The following MCPH1 variants were observed in gnomAD, a reference collection of about 807,000 sequenced individuals.
MCPH1 encodes microcephalin 1, also known as microcephalin.
In MCPH1, 104 loss-of-function variants were observed where a neutral mutation model predicts 84.5. That is an observed-to-expected ratio of 1.23 (90% CI 1.05 to 1.45). The LOEUF (loss-of-function observed/expected upper bound fraction) is 1.45, where lower values mean the gene tolerates loss of function less well. Among genes scored for constraint, MCPH1 ranks in the 40% most tolerant of loss-of-function variants. The pLI, the probability that MCPH1 is intolerant of heterozygous loss-of-function variation, is 0.00. For missense variants in MCPH1, 1,498 were observed against 1,005.7 expected (o/e 1.49, Z -6.62); for synonymous variants, 514 against 366.8 (o/e 1.40, Z -4.58).
intron 12 of MCPH1, among the ~76,000 whole-genome samples, chr8:6,583,419 G>A (rs1174518117): frequency 6.6e-6 from 1 of 152,206 alleles, no homozygotes; most frequent in Non-Finnish European, 1.5e-5. Context: ...GCAAGGCACT[G>A]GCTGTGTAAT....
At chr8:6,610,640 A>G (rs1210915313) in intron 12 of MCPH1, among the ~76,000 whole-genome samples, 1 of 152,204 alleles carries the variant, frequency 6.6e-6, no homozygotes, top group African/African-American at 2.4e-5. Context: ...ATGAAAAACT[A>G]TAATCATTCT....
At chr8:6,487,652 G>A (rs1810091112) in intron 11 of MCPH1, among the ~76,000 whole-genome samples, 1 of 152,222 alleles carries the variant, frequency 6.6e-6, no homozygotes, top group South Asian at 2.1e-4. Context: ...TTCTGAGGGT[G>A]CCCTTCAGGT....
intron 12 of MCPH1, among the ~76,000 whole-genome samples, chr8:6,585,859 A>C (rs2959779): frequency 1.3e-5 from 2 of 152,154 alleles, no homozygotes; most frequent in African/African-American, 2.4e-5. Flanking sequence ...AAGCTGGCCA[A>C]CAGTCACAGT....
intron 12 of MCPH1, chr8:6,502,007 G>A (rs1029312332): frequency 8.6e-5 from 13 of 151,302 alleles, no homozygotes; most frequent in African/African-American, 3.2e-4. Flanking sequence ...GTAAATTTAA[G>A]GGTGAATCTT....
chr8:6,468,541 T>A (rs577326286), intron 9 of MCPH1, among the ~76,000 whole-genome samples: 32 of 152,078 alleles, frequency 2.1e-4, no homozygotes, highest in Non-Finnish European at 4.1e-4. Context: ...TAGTGTTAGA[T>A]ACCGAGTTTG....
In MCPH1 at chr8:6,436,087, C is replaced by G. The variant is rs1291324635; in HGVS notation, c.361C>G (p.Pro121Ala). 1.2e-6 allele frequency: 2 copies of G among 1,613,470 alleles called. No individual in the cohort carries two copies. Among genetic ancestry groups the G allele is most frequent in the South Asian group, 1.1e-5 (1 of 91,024 alleles). ...GCCCAAAGATTTTAATTTTAAAACACCAGAAAATGATAAGAGATTTCAGAA... is the reference window on the plus strand; with the variant it reads ...GCCCAAAGATTTTAATTTTAAAACAGCAGAAAATGATAAGAGATTTCAGAA... ...MQPKDFNFKTPENDKRFQKKF... is the reference protein window; with the variant it reads ...MQPKDFNFKTAENDKRFQKKF... The change falls in exon 5 of 14, where the codon CCA becomes GCA. Residue 121 changes from proline (P) to alanine (A), a missense_variant. Physicochemically the swap from Pro to Ala is conservative, Grantham distance 27 (BLOSUM62 -1). Coordinates refer to ENST00000344683, the MANE Select transcript of MCPH1 (RefSeq NM_024596.5).
rs1324323002 is a variant in MCPH1, at chr8:6,596,769, G to A, written c.2215-24685G>A. 3.9e-5 allele frequency among the ~76,000 whole-genome samples: 6 copies of A among 152,310 alleles called. No individual in the cohort carries two copies. In the East Asian group the frequency reaches 7.7e-4, roughly 20 times the overall value. On this transcript the variant is annotated intron_variant, in intron 12 of 13. Coordinates refer to ENST00000344683, the MANE Select transcript of MCPH1 (RefSeq NM_024596.5). ...CTGAAAACCCCAGCCAGATCAACGCGAGAATAAATCTCTTTTCTGCTGAAA... is the reference window on the plus strand; with the variant it reads ...CTGAAAACCCCAGCCAGATCAACGCAAGAATAAATCTCTTTTCTGCTGAAA...
intron 12 of MCPH1, among the ~76,000 whole-genome samples, chr8:6,617,895 TATCTA>T (rs1554480974): frequency 7.6e-4 from 111 of 145,804 alleles, no homozygotes; most frequent in Non-Finnish European, 1.1e-3. Context: ...TCTATCTATC[TATCTA>T]ATCTATCTAT....
At chr8:6,471,801 G>C (rs1042199520) in intron 9 of MCPH1, among the ~76,000 whole-genome samples, 10 of 152,168 alleles carry the variant, frequency 6.6e-5, no homozygotes, top group Admixed American at 3.3e-4. Flanking sequence ...TTCTCCACGG[G>C]GCTCTAACAC....
At chr8:6,595,172 C>T (rs564168370) in intron 12 of MCPH1, among the ~76,000 whole-genome samples, 1 of 152,214 alleles carries the variant, frequency 6.6e-6, no homozygotes, top group Admixed American at 6.5e-5. Flanking sequence ...AGCACCCACT[C>T]AGCTGCGAGG....
intron 12 of MCPH1, among the ~76,000 whole-genome samples, chr8:6,611,091 TAC>T (rs897357339): frequency 2.2e-4 from 33 of 150,168 alleles, no homozygotes; most frequent in Non-Finnish European, 2.1e-4. Context: ...CTACTGTTGC[TAC>T]ACACACACAT....
intron 4 of MCPH1, among the ~76,000 whole-genome samples, chr8:6,435,233 G>A (rs1199310957): frequency 6.6e-6 from 1 of 152,122 alleles, no homozygotes; most frequent in African/African-American, 2.4e-5. Flanking sequence ...TTACTGTGTT[G>A]TGGTCTTGCA....
At position 6,581,543 on chromosome 8, in the gene MCPH1, C is replaced by G. The variant is rs147758937; in HGVS notation, c.2215-39911C>G. ...TTAAACATCAGGATCTCATGTAATA[C>G]AGAACAATATCTTCTGACATTTTTA... On this transcript the variant is annotated intron_variant, in intron 12 of 13. Transcript: ENST00000344683. Among the ~76,000 whole-genome samples, 295 of 152,272 alleles carry G rather than the reference C, an allele frequency of 1.9e-3. 1 individual carries two copies. Among genetic ancestry groups the G allele is most frequent in the African/African-American group, 6.8e-3 (281 of 41,544 alleles).
intron 12 of MCPH1, among the ~76,000 whole-genome samples, chr8:6,517,228 A>G (rs1323851286): frequency 6.6e-6 from 1 of 152,210 alleles, no homozygotes; most frequent in Non-Finnish European, 1.5e-5. Context: ...GGCAGTTAAT[A>G]TCTTTAATCT....
At position 6,595,137 on chromosome 8, in the gene MCPH1, T is replaced by C. The variant is rs566564936; in HGVS notation, c.2215-26317T>C. Among the ~76,000 whole-genome samples, 6 of 152,266 alleles carry C rather than the reference T, an allele frequency of 3.9e-5. No individual in the cohort carries two copies. The East Asian group carries it at 5.8e-4, about 15-fold the overall frequency. On this transcript the variant is annotated intron_variant, in intron 12 of 13. Transcript: ENST00000344683. ...TCCCCTATCAGTAAAACAGAGATGA[T>C]TGATTGATTCAAAAGCATTCACTGA...
At chr8:6,426,825 GT>G (rs34536263) in intron 3 of MCPH1, among the ~76,000 whole-genome samples, 1,811 of 149,270 alleles carry the variant, frequency 0.012, 69 homozygotes, top group Admixed American at 0.075. Context: ...GTATTTCATG[GT>G]TTTTTTTTTC....
intron 12 of MCPH1, among the ~76,000 whole-genome samples, chr8:6,578,143 C>T (rs570922346): frequency 9.9e-5 from 15 of 152,200 alleles, no homozygotes; most frequent in Admixed American, 4.6e-4. Flanking sequence ...TCGACTGTCC[C>T]GATGGGCATT....
At chr8:6,544,787 C>T (rs1213154819) in intron 12 of MCPH1, among the ~76,000 whole-genome samples, 3 of 152,148 alleles carry the variant, frequency 2.0e-5, no homozygotes, top group African/African-American at 7.2e-5. Context: ...CCTCCCTTAC[C>T]TCCTGACTTG....
At position 6,547,948 on chromosome 8, in the gene MCPH1, C is replaced by T. The variant is rs1191640447; in HGVS notation, c.2214+48019C>T. Among the ~76,000 whole-genome samples the T allele has an allele frequency of 2.0e-5, 3 of 150,986 alleles. No individual in the cohort carries two copies. In the East Asian group the frequency reaches 5.8e-4, roughly 29 times the overall value. On this transcript the variant is annotated intron_variant, in intron 12 of 13. Coordinates refer to ENST00000344683, the MANE Select transcript of MCPH1 (RefSeq NM_024596.5). ...ACTTCTCTAGTTTGGGTTATGACTC[C>T]TACGAGCCAGTTTAATTTTATCAGT...
Sources: gnomAD v4.1 joint callset for allele counts (sites outside exome capture counted in the v4.1 genomes callset) on GRCh38, gnomAD v4.1.1 for gene constraint, MANE v1.5 for transcripts, NCBI Gene and HGNC (gene_info 2026-07-23, HGNC 2026-07-21) for gene names.